Variants in CRIM1 observed in about 807,000 individuals in gnomAD.
The protein encoded by CRIM1 is cysteine-rich motor neuron 1 protein.
Under a neutral mutation model 116.4 loss-of-function variants are expected in CRIM1, and 32 were observed. The observed-to-expected ratio is 0.27, with a 90% CI of 0.21 to 0.37. CRIM1 has a LOEUF of 0.37. Among genes scored for constraint, CRIM1 ranks in the 10% least tolerant of loss-of-function variants. CRIM1 has a pLI of 1.00. For synonymous variants in CRIM1, 590 were observed against 509.2 expected (o/e 1.16, Z -2.13); for missense variants, 1,331 against 1,354.8 (o/e 0.98, Z 0.28).
Position 36,507,960 on chromosome 2 carries a change from T to TTTGTACA in CRIM1, c.1502-2023_1502-2022insTTGTACA, listed in dbSNP as rs1391784475. Among the ~76,000 whole-genome samples, 31 of 152,340 alleles carry TTTGTACA rather than the reference T, an allele frequency of 2.0e-4. 2 individuals carry two copies. In the South Asian group the frequency reaches 4.6e-3, roughly 22 times the overall value. On this transcript the variant is annotated intron_variant, in intron 8 of 16. Transcript: ENST00000280527. ...TTTTTAATTCATCTGTTTCCCAACA[T>TTTGTACA]AATTCATTTGTAGCCATGACCTAAG...
chr2:36,478,353 A>T (rs542712779), intron 6 of CRIM1, among the ~76,000 whole-genome samples: 1 of 152,172 alleles, frequency 6.6e-6, no homozygotes, highest in Non-Finnish European at 1.5e-5. Flanking sequence ...AATAGTTCTG[A>T]AACTGTGCAG....
intron 13 of CRIM1, among the ~76,000 whole-genome samples, chr2:36,533,404 C>G (rs1479181022): frequency 1.5e-5 from 2 of 130,508 alleles, no homozygotes; most frequent in Non-Finnish European, 3.1e-5. Context: ...GCCTGGCCAA[C>G]ACAATGAGAC....
chr2:36,460,774 A>G (rs1677520213), intron 4 of CRIM1, among the ~76,000 whole-genome samples: 1 of 152,210 alleles, frequency 6.6e-6, no homozygotes, highest in Non-Finnish European at 1.5e-5. Context: ...GATAGGTACT[A>G]GAAGAGCTTA....
At chr2:36,534,531 G>C (rs1023888511) in intron 13 of CRIM1, among the ~76,000 whole-genome samples, 2 of 134,490 alleles carry the variant, frequency 1.5e-5, no homozygotes, top group African/African-American at 2.9e-5. Flanking sequence ...GGAAGGGAGG[G>C]AGAGGAAGGA....
At chr2:36,544,551 G>GTGTT (rs1256464577) in intron 15 of CRIM1, 53 bp downstream of exon 15, 4 of 1,310,302 alleles carry the variant, frequency 3.1e-6, no homozygotes, top group African/African-American at 3.0e-5. Flanking sequence ...GTCTACTTAG[G>GTGTT]TGTTTTCTAA....
chr2:36,528,067 G>A (rs1572934923), intron 13 of CRIM1, among the ~76,000 whole-genome samples: 1 of 152,022 alleles, frequency 6.6e-6, no homozygotes, highest in East Asian at 1.9e-4. Flanking sequence ...ATGACATAAT[G>A]TACATATGCA....
intron 1 of CRIM1, among the ~76,000 whole-genome samples, chr2:36,395,506 C>G (rs746500891): frequency 6.6e-6 from 1 of 152,024 alleles, no homozygotes; most frequent in Non-Finnish European, 1.5e-5. Context: ...ATATAATGGC[C>G]CAAGGATTCA....
intron 13 of CRIM1, among the ~76,000 whole-genome samples, chr2:36,532,447 T>C (rs1440473438): frequency 2.0e-5 from 3 of 152,212 alleles, no homozygotes; most frequent in South Asian, 2.1e-4. Flanking sequence ...GGACCAGGAA[T>C]CCTAAATTAC....
chr2:36,377,395 G>C (rs949032729), intron 1 of CRIM1, among the ~76,000 whole-genome samples: 1 of 152,196 alleles, frequency 6.6e-6, no homozygotes, highest in South Asian at 2.1e-4. Context: ...AAATTCCATA[G>C]GGAGAAATCA....
chr2:36,493,480 A>G (rs1680374550), intron 7 of CRIM1, among the ~76,000 whole-genome samples: 1 of 152,166 alleles, frequency 6.6e-6, no homozygotes, highest in Non-Finnish European at 1.5e-5. Context: ...CTGGAAACAG[A>G]GTTAATTACC....
chr2:36,463,594 C>T (rs1677754644), intron 4 of CRIM1, among the ~76,000 whole-genome samples: 1 of 152,184 alleles, frequency 6.6e-6, no homozygotes, highest in East Asian at 1.9e-4. Flanking sequence ...TCTAGCGGCT[C>T]TTTCCTCATC....
intron 13 of CRIM1, among the ~76,000 whole-genome samples, chr2:36,524,169 C>A (rs1379947630): frequency 6.6e-6 from 1 of 152,206 alleles, no homozygotes; most frequent in Non-Finnish European, 1.5e-5. Context: ...GTGTCCCAAG[C>A]AAACTGGATA....
At chr2:36,481,503 A>AAT (rs1356937178) in intron 7 of CRIM1, among the ~76,000 whole-genome samples, 1 of 152,230 alleles carries the variant, frequency 6.6e-6, no homozygotes, top group Non-Finnish European at 1.5e-5. Context: ...ATTGGACACA[A>AAT]AGATAAGTAA....
At chr2:36,426,709 A>C (rs1674473966) in intron 2 of CRIM1, among the ~76,000 whole-genome samples, 1 of 152,184 alleles carries the variant, frequency 6.6e-6, no homozygotes, top group Non-Finnish European at 1.5e-5. Context: ...TCACTAAAGA[A>C]AACCTGTGGT....
chr2:36,362,995 C>G (rs531600524), intron 1 of CRIM1, among the ~76,000 whole-genome samples: 55 of 152,020 alleles, frequency 3.6e-4, no homozygotes, highest in African/African-American at 1.3e-3. Flanking sequence ...GTCAGGAGTT[C>G]AAGACTAGTC....
chr2:36,544,676 T>C (rs1572974433), intron 15 of CRIM1, among the ~76,000 whole-genome samples, 178 bp downstream of exon 15: 1 of 152,022 alleles, frequency 6.6e-6, no homozygotes, highest in African/African-American at 2.4e-5. Flanking sequence ...ATTGATAAAA[T>C]AAGTCAGCAG....
chr2:36,397,580 T>C (rs1239835433), intron 2 of CRIM1, among the ~76,000 whole-genome samples: 2 of 152,114 alleles, frequency 1.3e-5, no homozygotes, highest in African/African-American at 4.8e-5. Context: ...TTCTTAAATA[T>C]ACCTCTTATC....
intron 7 of CRIM1, among the ~76,000 whole-genome samples, chr2:36,482,495 A>T (rs1679497144): frequency 6.6e-6 from 1 of 152,244 alleles, no homozygotes; most frequent in East Asian, 1.9e-4. Flanking sequence ...TCATTTGAAG[A>T]CATTTTTTCT....
chr2:36,390,245 C>G (rs1016996415), intron 1 of CRIM1, among the ~76,000 whole-genome samples: 1 of 152,154 alleles, frequency 6.6e-6, no homozygotes, highest in South Asian at 2.1e-4. Context: ...TCATATTCTG[C>G]AAAATCATTC....
Sources: allele counts gnomAD v4.1 joint callset (sites outside exome capture counted in the v4.1 genomes callset), GRCh38; gene constraint gnomAD v4.1.1; transcripts MANE v1.5; gene names NCBI Gene and HGNC (gene_info 2026-07-23, HGNC 2026-07-21).